CTNNA3: variants seen among roughly 807,000 people sequenced by gnomAD.
CTNNA3 encodes the protein catenin alpha-3.
A neutral mutation model predicts 95.7 loss-of-function variants in CTNNA3; 76 were observed. The observed-to-expected ratio is 0.79, with a 90% CI of 0.66 to 0.96. CTNNA3 has a LOEUF of 0.96. CTNNA3 is among the 40% of genes least tolerant of loss of function. The pLI is 0.00. For missense variants in CTNNA3, 1,191 were observed against 1,089.8 expected, an observed-to-expected ratio of 1.09 and a Z score of -1.31; for synonymous variants, 431 against 374.4, an observed-to-expected ratio of 1.15 and a Z score of -1.74.
intron 15 of CTNNA3, among the ~76,000 whole-genome samples, chr10:66,004,237 A>G (rs1232955241): frequency 1.3e-5 from 2 of 152,244 alleles, no homozygotes; most frequent in African/African-American, 4.8e-5. Flanking sequence ...AGAAATATAC[A>G]GAAACAAGAT....
chr10:66,813,845 AGTGTGT>A lies in CTNNA3; in HGVS notation c.1048-38327_1048-38322del, dbSNP rs66464661. On this transcript the variant is annotated intron_variant, in intron 7 of 17. Coordinates refer to ENST00000433211, the MANE Select transcript of CTNNA3 (RefSeq NM_013266.4). Reference sequence around the variant, plus strand: ...TGGGGGAAGGGCGTGTGTGTGTGTGAGTGTGTGTGTGTGTGTGTGTGTGTGTTTGAA... The same window carrying A: ...TGGGGGAAGGGCGTGTGTGTGTGTGAGTGTGTGTGTGTGTGTGTGTTTGAA... Among the ~76,000 whole-genome samples the A allele has an allele frequency of 3.6e-3, 535 of 149,422 alleles. 3 individuals are homozygous for A. The highest frequency in any genetic ancestry group is 0.011 in the African/African-American group (440 of 40,798).
intron 7 of CTNNA3, among the ~76,000 whole-genome samples, chr10:66,809,073 T>G (rs1172656031): frequency 6.6e-6 from 1 of 152,198 alleles, no homozygotes; most frequent in Non-Finnish European, 1.5e-5. Context: ...CGTTATCATT[T>G]TCTTGTTGGA....
intron 5 of CTNNA3, among the ~76,000 whole-genome samples, chr10:67,512,343 A>T (rs1465256040): frequency 2.6e-5 from 4 of 151,714 alleles, no homozygotes; most frequent in African/African-American, 7.3e-5. Flanking sequence ...AATAGATTTT[A>T]AAAAAATAGA....
chr10:67,382,416 A>C (rs1936877942), intron 5 of CTNNA3, among the ~76,000 whole-genome samples: 1 of 152,226 alleles, frequency 6.6e-6, no homozygotes, highest in African/African-American at 2.4e-5. Flanking sequence ...ACATGTATAA[A>C]ATAAGCAGAA....
At chr10:67,437,005 G>A (rs977030711) in intron 5 of CTNNA3, among the ~76,000 whole-genome samples, 5 of 152,160 alleles carry the variant, frequency 3.3e-5, no homozygotes, top group South Asian at 4.1e-4. Context: ...GTCATTATTC[G>A]AAAAGATACT....
intron 11 of CTNNA3, among the ~76,000 whole-genome samples, chr10:66,478,457 T>G (rs1478843860): frequency 6.6e-6 from 1 of 152,000 alleles, no homozygotes; most frequent in African/African-American, 2.4e-5. Context: ...ATTGGTATTT[T>G]TAATTGAATA....
Position 66,110,311 on chromosome 10 carries a change from A to G in CTNNA3, c.1885-7062T>C, listed in dbSNP as rs191199480. 5.6e-3 allele frequency among the ~76,000 whole-genome samples: 840 copies of G among 151,312 alleles called. 10 individuals carry two copies. Among genetic ancestry groups the G allele is most frequent in the African/African-American group, 0.019 (794 of 41,168 alleles). On this transcript the variant is annotated intron_variant, in intron 13 of 17. Coordinates refer to ENST00000433211, the MANE Select transcript of CTNNA3 (RefSeq NM_013266.4). ...TGGGAGGTGGAGGTTGCAGTGAGCC[A>G]ATATCATGCCACTGCACTGCAGCCT...
At chr10:66,481,813 G>T (rs547901337) in intron 11 of CTNNA3, among the ~76,000 whole-genome samples, 1 of 152,218 alleles carries the variant, frequency 6.6e-6, no homozygotes, top group East Asian at 1.9e-4. Context: ...AGTAATAGTT[G>T]TTATATAATC....
intron 13 of CTNNA3, among the ~76,000 whole-genome samples, chr10:66,208,924 T>C (rs1433434628): frequency 6.6e-6 from 1 of 152,086 alleles, no homozygotes; most frequent in Non-Finnish European, 1.5e-5. Flanking sequence ...TGTACCCCAT[T>C]GCATCCCACC....
chr10:66,826,261 A>C (rs1842509894), intron 7 of CTNNA3, among the ~76,000 whole-genome samples: 1 of 152,042 alleles, frequency 6.6e-6, no homozygotes, highest in Non-Finnish European at 1.5e-5. Context: ...TATGTAATTG[A>C]ATGTTTGGTT....
chr10:67,387,102 A>G (rs1368129803), intron 5 of CTNNA3, among the ~76,000 whole-genome samples: 1 of 152,160 alleles, frequency 6.6e-6, no homozygotes, highest in African/African-American at 2.4e-5. Flanking sequence ...TCCCAGCGTG[A>G]GCGACGCAGA....
chr10:66,272,786 C>A (rs889019290), intron 13 of CTNNA3, among the ~76,000 whole-genome samples: 2 of 152,126 alleles, frequency 1.3e-5, no homozygotes, highest in East Asian at 1.9e-4. Context: ...AATCTTCAGA[C>A]ACAATTAATA....
At chr10:66,318,337 A>T (rs2132280425) in intron 12 of CTNNA3, among the ~76,000 whole-genome samples, 1 of 149,376 alleles carries the variant, frequency 6.7e-6, no homozygotes, top group Middle Eastern at 3.4e-3. Flanking sequence ...GATAAGTGAG[A>T]TTTTCTTCTA....
intron 10 of CTNNA3, among the ~76,000 whole-genome samples, chr10:66,534,469 CATATATATATATATAT>C (rs58455418): frequency 2.2e-4 from 33 of 146,932 alleles, no homozygotes; most frequent in African/African-American, 5.7e-4. Context: ...TTATAAAAAT[CATATATATATATATAT>C]ATATATATAT....
At chr10:66,391,972 A>G (rs569487238) in intron 11 of CTNNA3, among the ~76,000 whole-genome samples, 1 of 152,120 alleles carries the variant, frequency 6.6e-6, no homozygotes, top group African/African-American at 2.4e-5. Flanking sequence ...GCAGTACTAC[A>G]AAGCTTCTGT....
rs1843680255 is a variant in CTNNA3 at position 67,617,058 on chromosome 10, T to C, written c.100-10009A>G. ...TATGTAGATTTTGTCATTTCGAACA[T>C]TACTATTATTTAGAGGAAATGCCTG... On this transcript the variant is annotated intron_variant, in intron 2 of 17. Coordinates refer to ENST00000433211, the MANE Select transcript of CTNNA3 (RefSeq NM_013266.4). 2.0e-5 allele frequency among the ~76,000 whole-genome samples: 3 copies of C among 152,228 alleles called. No individual in the cohort carries two copies. The South Asian group carries it at 6.2e-4, about 32-fold the overall frequency.
At chr10:66,986,495 T>TCAAAAAAC (rs76915863) in intron 7 of CTNNA3, among the ~76,000 whole-genome samples, 61,971 of 151,918 alleles carry the variant, frequency 0.41, 13,218 homozygotes, top group South Asian at 0.6. Context: ...AGACTCCATC[T>TCAAAAAAC]TGCTAAACTA....
At chr10:67,580,927 G>A (rs1423421731) in intron 3 of CTNNA3, among the ~76,000 whole-genome samples, 11 of 152,172 alleles carry the variant, frequency 7.2e-5, no homozygotes, top group Non-Finnish European at 1.6e-4. Flanking sequence ...AGACTTTGCT[G>A]AAGTTGCTTA....
intron 5 of CTNNA3, among the ~76,000 whole-genome samples, chr10:67,337,169 A>G (rs567567257): frequency 1.3e-5 from 2 of 152,334 alleles, no homozygotes; most frequent in East Asian, 1.9e-4. Context: ...ACCATTCTAG[A>G]TGCCATTAAG....
Sources: allele counts gnomAD v4.1 joint callset (sites outside exome capture counted in the v4.1 genomes callset), GRCh38; gene constraint gnomAD v4.1.1; transcripts MANE v1.5; gene names NCBI Gene and HGNC (gene_info 2026-07-23, HGNC 2026-07-21).